The following DBF4 variants were observed in gnomAD, a reference collection of about 807,000 sequenced individuals.
DBF4 encodes the protein protein DBF4 homolog A.
DBF4 carries 25 observed loss-of-function variants against 76.6 expected under a neutral mutation model. The ratio of observed to expected loss-of-function variants is 0.33; its 90% CI spans 0.24 to 0.46. The LOEUF (loss-of-function observed/expected upper bound fraction) is 0.46. Ranked by LOEUF, DBF4 falls within the 20% of genes least tolerant of loss-of-function variation. DBF4 has a pLI of 1.00. For missense variants in DBF4, 638 were observed against 760.8 expected, an observed-to-expected ratio of 0.84 and a Z score of 1.90; for synonymous variants, 213 against 258.0, an observed-to-expected ratio of 0.83 and a Z score of 1.67.
At chr7:87,877,036 A>T (rs539099374) in intron 1 of DBF4, among the ~76,000 whole-genome samples, 2 of 152,278 alleles carry the variant, frequency 1.3e-5, no homozygotes, top group South Asian at 4.1e-4. Flanking sequence ...GAAAACTAGC[A>T]AACAATGTGC....
At position 87,888,011 on chromosome 7, in the gene DBF4, A is replaced by G. The variant is rs1389191478; in HGVS notation, c.549A>G (p.Lys183=). 1.9e-6 allele frequency: 3 copies of G among 1,561,178 alleles called. No homozygotes were observed. The highest frequency in any genetic ancestry group is 2.8e-5 in the African/African-American group (2 of 72,054). Residue 183 remains lysine, a synonymous_variant, in exon 6 of 12, where the codon AAA becomes AAG. Coordinates refer to ENST00000265728, the MANE Select transcript of DBF4 (RefSeq NM_006716.4). The part of the protein sequence containing the change: ...DDIRYYIEQK[K]KELYLLKKSS... ...TTAGATACTACATTGAACAAAAGAA[A>G]AAAGAGTTGTATTTACTCAAGAAAT... is the stretch of plus-strand genomic sequence containing the variant.
At chr7:87,901,040 A>G (rs887763966) in intron 10 of DBF4, among the ~76,000 whole-genome samples, 162 bp downstream of exon 10, 1 of 152,222 alleles carries the variant, frequency 6.6e-6, no homozygotes, top group Non-Finnish European at 1.5e-5. Flanking sequence ...CTGAGCGTCT[A>G]CTACATACTG....
At chr7:87,886,761 G>C (rs1839366201) in intron 3 of DBF4, 83 bp from the exon 4 acceptor site, 1 of 851,044 alleles carries the variant, frequency 1.2e-6, no homozygotes, top group Non-Finnish European at 1.9e-6. Flanking sequence ...AGACCCAAAA[G>C]TTCTCTTTTC....
chr7:87,886,865 T>C lies in DBF4; in HGVS notation c.421T>C (p.Leu141=), dbSNP rs1839368105. 1 of 1,570,272 alleles carries C rather than the reference T, an allele frequency of 6.4e-7. No individual in the cohort carries two copies. The highest frequency in any genetic ancestry group is 1.4e-5 in the African/African-American group (1 of 73,812). The change falls in exon 4 of 12, where the codon TTA becomes CTA. Residue 141 remains leucine, a synonymous_variant. Transcript: ENST00000265728. ...ATAGGTGTGTTTAAGCAGAGGAAAA[T>C]TATTAGTTGAAAAAGCTATCAAGGA... ...PDTVCLSRGK[L]LVEKAIKDHD...
At chr7:87,879,942 C>A (rs560260415) in intron 2 of DBF4, among the ~76,000 whole-genome samples, 2 of 147,566 alleles carry the variant, frequency 1.4e-5, no homozygotes, top group Non-Finnish European at 3.0e-5. Context: ...GACAGTGAGA[C>A]CCTATGTCCA....
chr7:87,900,733 T>G, intron 9 of DBF4, 31 bp from the exon 10 acceptor site: 1 of 1,561,310 alleles, frequency 6.4e-7, no homozygotes, highest in Non-Finnish European at 8.8e-7. Flanking sequence ...GGTTCAGCAG[T>G]TAATTCTTTA....
At chr7:87,884,910 C>T in intron 2 of DBF4, 69 bp from the exon 3 acceptor site, 1 of 1,216,464 alleles carries the variant, frequency 8.2e-7, no homozygotes, top group Non-Finnish European at 1.2e-6. Context: ...GCACTCTAGC[C>T]TGGATAACAC....
intron 9 of DBF4, 105 bp from the exon 10 acceptor site, chr7:87,900,659 C>A: frequency 1.1e-6 from 1 of 926,078 alleles, no homozygotes; most frequent in Non-Finnish European, 1.6e-6. Flanking sequence ...TGATACAAGT[C>A]TCTGCAAATT....
intron 6 of DBF4, chr7:87,888,431 G>T: frequency 1.6e-6 from 1 of 639,878 alleles, no homozygotes; most frequent in South Asian, 7.0e-5. Flanking sequence ...GCTCTAAATG[G>T]TATAACAAAA....
intron 2 of DBF4, among the ~76,000 whole-genome samples, chr7:87,884,339 CAA>C (rs1435333339): frequency 2.6e-5 from 4 of 152,150 alleles, no homozygotes; most frequent in Admixed American, 2.6e-4. Flanking sequence ...CCAACCTGGG[CAA>C]CATAACAAGA....
At chr7:87,906,065 C>T (rs1203536614) in intron 11 of DBF4, among the ~76,000 whole-genome samples, 2 of 151,514 alleles carry the variant, frequency 1.3e-5, no homozygotes, top group Non-Finnish European at 2.9e-5. Context: ...GGCTGAGGCG[C>T]AAGAATCACT....
In DBF4 at chr7:87,876,594, A is replaced by T; in HGVS notation, c.-139A>T. 2.2e-6 allele frequency: 2 copies of T among 916,346 alleles called. No individual in the cohort carries two copies. The highest frequency in any genetic ancestry group is 3.4e-6 in the Non-Finnish European group (2 of 586,998). The allele number at this position is 916,346 out of a possible 1,614,324, so 56.8% of individuals were successfully genotyped here. A position where few individuals can be genotyped will look rare whatever the true frequency, so the allele number is the denominator to read the frequency against. ...CGGAAACCCGACCTGCAGACGCGGT[A>T]CCTCTACTGCGTAGAGGCCGTAGCT... On this transcript the variant is annotated 5_prime_UTR_variant, in exon 1 of 12. Transcript: ENST00000265728.
intron 5 of DBF4, 151 bp from the exon 6 acceptor site, chr7:87,887,832 C>G: frequency 4.1e-6 from 3 of 736,238 alleles, no homozygotes; most frequent in Non-Finnish European, 6.0e-6. Context: ...TAAATTTCAA[C>G]ATGAGTTTTA....
At chr7:87,906,403 A>G (rs1008076914) in intron 11 of DBF4, among the ~76,000 whole-genome samples, 2 of 151,960 alleles carry the variant, frequency 1.3e-5, no homozygotes, top group Non-Finnish European at 2.9e-5. Context: ...TGAACAAGAT[A>G]AAAAAGAACA....
intron 10 of DBF4, among the ~76,000 whole-genome samples, chr7:87,901,120 T>A (rs1156421076): frequency 6.6e-6 from 1 of 152,100 alleles, no homozygotes; most frequent in Admixed American, 6.5e-5. Context: ...GATTATATTC[T>A]GTAGGGTAGG....
In DBF4 at chr7:87,908,839, T is replaced by C. The variant is rs1839974575; in HGVS notation, c.*676T>C. 2 of 152,226 alleles carry C rather than the reference T, an allele frequency of 1.3e-5. No individual in the cohort carries two copies. Among genetic ancestry groups the C allele is most frequent in the Non-Finnish European group, 2.9e-5 (2 of 68,054 alleles). The allele number at this position is 152,226 out of a possible 1,614,324, so 9.4% of individuals were successfully genotyped here. ...CTCATGCCACAGGATCCCAGCACTTTGGGAGGCCGAGGCAGGCTGATCACG... is the reference window on the plus strand; with the variant it reads ...CTCATGCCACAGGATCCCAGCACTTCGGGAGGCCGAGGCAGGCTGATCACG... On this transcript the variant is annotated 3_prime_UTR_variant, in exon 12 of 12. Coordinates refer to ENST00000265728, the MANE Select transcript of DBF4 (RefSeq NM_006716.4).
Position 87,876,739 on chromosome 7 carries a change from T to C in DBF4, c.7T>C (p.Ser3Pro). 1 of 1,614,106 alleles carries C rather than the reference T, an allele frequency of 6.2e-7. No homozygotes were observed. Among genetic ancestry groups the C allele is most frequent in the Non-Finnish European group, 8.5e-7 (1 of 1,180,020 alleles). ...TAGGTGCCGGGCGACTGCCATGAAC[T>C]CCGGAGCCATGAGGATCCACAGTAA... MN[S>P]GAMRIHSKGH... The change falls in exon 1 of 12, where the codon TCC becomes CCC. Residue 3 changes from serine to proline, a missense_variant. Coordinates refer to ENST00000265728, the MANE Select transcript of DBF4 (RefSeq NM_006716.4).
chr7:87,895,435 A>G (rs747000257), intron 6 of DBF4, among the ~76,000 whole-genome samples: 1 of 152,114 alleles, frequency 6.6e-6, no homozygotes, highest in South Asian at 2.1e-4. Context: ...TGGACATTCT[A>G]AATGTTGTGT....
intron 1 of DBF4, 41 bp downstream of exon 1, chr7:87,876,819 T>A (rs756236771): frequency 1.3e-5 from 21 of 1,607,358 alleles, no homozygotes; most frequent in Non-Finnish European, 1.8e-5. Context: ...TTTAATCCTT[T>A]CCTCCCCTCG....
Sources: allele counts gnomAD v4.1 joint callset (sites outside exome capture counted in the v4.1 genomes callset), GRCh38; gene constraint gnomAD v4.1.1; transcripts MANE v1.5; gene names NCBI Gene and HGNC (gene_info 2026-07-23, HGNC 2026-07-21).